The following SLC7A1 variants were observed in gnomAD, a reference collection of about 807,000 sequenced individuals.
The protein encoded by SLC7A1 is high affinity cationic amino acid transporter 1.
SLC7A1 carries 10 observed loss-of-function variants against 53.9 expected under a neutral mutation model. That is an observed-to-expected ratio of 0.19 (90% confidence interval 0.11 to 0.31). The LOEUF is 0.31. Ranked by LOEUF, SLC7A1 falls within the 10% of genes least tolerant of loss-of-function variation. The probability of loss-of-function intolerance (pLI) is 1.00; values close to 1 mark genes in which losing one functional copy is unlikely to be tolerated. For missense variants in SLC7A1, 525 were observed against 827.2 expected, an observed-to-expected ratio of 0.63 and a Z score of 4.48; for synonymous variants, 342 against 338.7, an observed-to-expected ratio of 1.01 and a Z score of -0.11.
intron 4 of SLC7A1, among the ~76,000 whole-genome samples, chr13:29,531,090 A>C (rs923908543): frequency 1.3e-5 from 2 of 152,206 alleles, no homozygotes; most frequent in African/African-American, 4.8e-5. Context: ...CGTTGCTGGG[A>C]AACAACCTCT....
intron 1 of SLC7A1, among the ~76,000 whole-genome samples, chr13:29,571,420 C>A (rs950196455): frequency 6.6e-6 from 1 of 152,224 alleles, no homozygotes. Flanking sequence ...AGGTCCCAGG[C>A]TCTATAGCAT....
chr13:29,573,278 G>C (rs1232953693), intron 1 of SLC7A1, among the ~76,000 whole-genome samples: 2 of 152,074 alleles, frequency 1.3e-5, no homozygotes, highest in African/African-American at 4.8e-5. Context: ...GAACTATCTG[G>C]CAAGCAGGTG....
At chr13:29,524,057 G>A (rs1436725498) in intron 6 of SLC7A1, 75 bp downstream of exon 6, 4 of 1,470,210 alleles carry the variant, frequency 2.7e-6, no homozygotes, top group African/African-American at 1.4e-5. Context: ...TGCCAGCAAG[G>A]AGGGAAATGG....
Position 29,571,764 on chromosome 13 carries a change from C to A in SLC7A1, c.-114-17904G>T, listed in dbSNP as rs564905376. On this transcript the variant is annotated intron_variant, in intron 1 of 12. Coordinates refer to ENST00000380752, the MANE Select transcript of SLC7A1 (RefSeq NM_003045.5). The stretch of plus-strand genomic sequence containing the variant: ...TCCTTCCAGGAGGTCTGGACACTCA[C>A]AAAGCCCAGTTATTTGTTTTGCAAA... Among the ~76,000 whole-genome samples the A allele has an allele frequency of 2.0e-5, 3 of 152,354 alleles. No homozygotes were observed. In the East Asian group the frequency reaches 5.8e-4, roughly 29 times the overall value.
chr13:29,523,491 A>G lies in SLC7A1; in HGVS notation c.827-3T>C. 1 of 1,609,182 alleles carries G rather than the reference A, an allele frequency of 6.2e-7. No homozygotes were observed. Among genetic ancestry groups the G allele is most frequent in the Non-Finnish European group, 8.5e-7 (1 of 1,175,814 alleles). ...CTGTGGGTTCTTCACCTCTTCACCT[A>G]GAAGCACAAGGGGTCAGCGGAGGAG... On this transcript the variant is annotated splice_polypyrimidine_tract_variant and splice_region_variant and intron_variant, in intron 6 of 12. Transcript: ENST00000380752.
chr13:29,537,228 G>A (rs554660396), intron 2 of SLC7A1, among the ~76,000 whole-genome samples: 5 of 152,246 alleles, frequency 3.3e-5, no homozygotes, highest in South Asian at 4.1e-4. Flanking sequence ...ACCACCGCCT[G>A]CGGCAGGTGA....
chr13:29,562,528 G>GA (rs1332370828), intron 1 of SLC7A1, among the ~76,000 whole-genome samples: 2 of 152,140 alleles, frequency 1.3e-5, no homozygotes, highest in African/African-American at 4.8e-5. Context: ...AGTTCAATCT[G>GA]AAAAAATCCC....
chr13:29,540,095 A>G (rs1869598279), intron 2 of SLC7A1, among the ~76,000 whole-genome samples: 1 of 152,242 alleles, frequency 6.6e-6, no homozygotes, highest in Admixed American at 6.5e-5. Flanking sequence ...TTCAACCAAC[A>G]GTGAGGCTGC....
chr13:29,530,409 A>G (rs1450683228), intron 5 of SLC7A1, 129 bp downstream of exon 5: 5 of 912,640 alleles, frequency 5.5e-6, no homozygotes, highest in Admixed American at 2.3e-5. Flanking sequence ...CAAAAACACA[A>G]AACAATTAAC....
At chr13:29,550,341 G>A (rs908626628) in intron 2 of SLC7A1, among the ~76,000 whole-genome samples, 2 of 152,146 alleles carry the variant, frequency 1.3e-5, no homozygotes, top group African/African-American at 4.8e-5. Context: ...CTTAAAATCA[G>A]GGACAAATGT....
At chr13:29,540,957 C>T (rs2139114301) in intron 2 of SLC7A1, among the ~76,000 whole-genome samples, 1 of 152,350 alleles carries the variant, frequency 6.6e-6, no homozygotes, top group African/African-American at 2.4e-5. Flanking sequence ...TGGTCAACCT[C>T]ATGGCTGGCA....
intron 2 of SLC7A1, among the ~76,000 whole-genome samples, chr13:29,544,958 A>T (rs1290295299): frequency 6.6e-6 from 1 of 150,390 alleles, no homozygotes; most frequent in East Asian, 2.0e-4. Flanking sequence ...TCATCCTTCT[A>T]TGCCCCTGGC....
Position 29,516,092 on chromosome 13 carries a change from C to A in SLC7A1, c.1786+46G>T, listed in dbSNP as rs753104062. ...TGAAATCTGAAACAAGGGAGACCCC[C>A]AGGGGAAGCCAGGATCTTGGACGTG... On this transcript the variant is annotated intron_variant, in intron 12 of 12. Coordinates refer to ENST00000380752, the MANE Select transcript of SLC7A1 (RefSeq NM_003045.5). The A allele has an allele frequency of 3.3e-6, 4 of 1,218,126 alleles. No individual in the cohort carries two copies. The Admixed American group carries it at 7.3e-5, about 22-fold the overall frequency. The allele number at this position is 1,218,126 out of a possible 1,614,324, so 75.5% of individuals were successfully genotyped here.
chr13:29,572,115 C>T (rs565001708), intron 1 of SLC7A1, among the ~76,000 whole-genome samples: 1 of 152,392 alleles, frequency 6.6e-6, no homozygotes, highest in African/African-American at 2.4e-5. Context: ...CTGTGGCATG[C>T]ATGACACTGC....
chr13:29,537,030 C>T (rs1188003303), intron 2 of SLC7A1, among the ~76,000 whole-genome samples: 1 of 152,264 alleles, frequency 6.6e-6, no homozygotes, highest in Non-Finnish European at 1.5e-5. Context: ...TTTCCTCCAA[C>T]CTACGGGCCC....
At position 29,514,236 on chromosome 13, in the gene SLC7A1, C is replaced by G. The variant is rs1440714143; in HGVS notation, c.*244G>C. On this transcript the variant is annotated 3_prime_UTR_variant, in exon 13 of 13. Coordinates refer to ENST00000380752, the MANE Select transcript of SLC7A1 (RefSeq NM_003045.5). ...CTTTGTTCAGAGAAGTGAGGAGACACAGTGGCCAGCCGCAGCCTAGTGGCC... is the reference window on the plus strand; with the variant it reads ...CTTTGTTCAGAGAAGTGAGGAGACAGAGTGGCCAGCCGCAGCCTAGTGGCC... 9 of 549,288 alleles carry G rather than the reference C, an allele frequency of 1.6e-5. No homozygotes were observed. In the Admixed American group the frequency reaches 2.2e-4, roughly 13 times the overall value. 34.0% of individuals were successfully genotyped at this position (549,288 alleles called of 1,614,324 possible).
chr13:29,554,437 G>A (rs1411836026), intron 1 of SLC7A1, among the ~76,000 whole-genome samples: 1 of 152,200 alleles, frequency 6.6e-6, no homozygotes, highest in Non-Finnish European at 1.5e-5. Context: ...ATGGGCAGAA[G>A]GTTATCCTAA....
At chr13:29,584,498 C>CT (rs1247802049) in intron 1 of SLC7A1, among the ~76,000 whole-genome samples, 2 of 152,130 alleles carry the variant, frequency 1.3e-5, no homozygotes, top group Non-Finnish European at 2.9e-5. Context: ...AGTAAGCACT[C>CT]TGAGTTCTCA....
chr13:29,533,877 C>T (rs1428705918), intron 3 of SLC7A1, among the ~76,000 whole-genome samples: 6 of 152,180 alleles, frequency 3.9e-5, no homozygotes, highest in Non-Finnish European at 5.9e-5. Context: ...ATTTTCAAAG[C>T]GGGCCTTGTC....
Sources: gnomAD v4.1 joint callset for allele counts (sites outside exome capture counted in the v4.1 genomes callset) on GRCh38, gnomAD v4.1.1 for gene constraint, MANE v1.5 for transcripts, NCBI Gene and HGNC (gene_info 2026-07-23, HGNC 2026-07-21) for gene names.